GRIN2A: variants seen among roughly 807,000 people sequenced by gnomAD.
The protein encoded by GRIN2A is glutamate receptor ionotropic, NMDA 2A.
In GRIN2A, 22 loss-of-function variants were observed where a neutral mutation model predicts 113.4. The observed-to-expected ratio is 0.19, with a 90% CI of 0.14 to 0.28. The LOEUF is 0.28. GRIN2A is among the 10% of genes least tolerant of loss of function. GRIN2A has a pLI of 1.00. For missense variants in GRIN2A, 1,502 were observed against 1,887.0 expected (o/e 0.80, Z 3.78); for synonymous variants, 827 against 738.4 (o/e 1.12, Z -1.94).
chr16:10,088,055 G>A (rs2034368), intron 2 of GRIN2A, among the ~76,000 whole-genome samples: 103,771 of 151,670 alleles, frequency 0.68, 36,570 homozygotes, highest in Admixed American at 0.76. Flanking sequence ...ATCATCATGG[G>A]TTCTCACCCT....
intron 2 of GRIN2A, among the ~76,000 whole-genome samples, chr16:9,978,307 C>T (rs2045816842): frequency 6.6e-6 from 1 of 152,150 alleles, no homozygotes; most frequent in South Asian, 2.1e-4. Context: ...GGCTCAGCCT[C>T]TTCCTATCTG....
intron 5 of GRIN2A, among the ~76,000 whole-genome samples, chr16:9,848,650 ATATTT>A (rs1262925349): frequency 1.4e-5 from 2 of 146,412 alleles, no homozygotes; most frequent in Admixed American, 6.9e-5. Context: ...GGTGTTTTAT[ATATTT>A]AATACATAAA....
intron 11 of GRIN2A, among the ~76,000 whole-genome samples, chr16:9,773,788 T>C (rs1901434742): frequency 6.6e-6 from 1 of 152,202 alleles, no homozygotes; most frequent in Non-Finnish European, 1.5e-5. Context: ...CACAAGTATC[T>C]CTACTAACCA....
intron 2 of GRIN2A, among the ~76,000 whole-genome samples, chr16:10,011,632 T>C (rs1235257761): frequency 7.2e-5 from 11 of 152,222 alleles, no homozygotes; most frequent in African/African-American, 1.9e-4. Context: ...TCCTTATTCA[T>C]TGCAGATGCA....
At chr16:9,788,187 C>G (rs897818147) in intron 11 of GRIN2A, among the ~76,000 whole-genome samples, 1 of 152,140 alleles carries the variant, frequency 6.6e-6, no homozygotes, top group Non-Finnish European at 1.5e-5. Context: ...TTCTTTGCCT[C>G]TCTCTCCCTT....
chr16:9,848,314 C>G (rs2042812843), intron 5 of GRIN2A, among the ~76,000 whole-genome samples: 2 of 150,840 alleles, frequency 1.3e-5, no homozygotes, highest in South Asian at 2.1e-4. Context: ...CTCCCAGATT[C>G]AAGTGATTCT....
At chr16:9,776,207 T>A (rs1193177158) in intron 11 of GRIN2A, among the ~76,000 whole-genome samples, 1 of 152,092 alleles carries the variant, frequency 6.6e-6, no homozygotes, top group African/African-American at 2.4e-5. Flanking sequence ...GTATCCACCT[T>A]CAGGAAGTCT....
At chr16:10,109,627 G>C (rs1289315502) in intron 2 of GRIN2A, among the ~76,000 whole-genome samples, 1 of 128,164 alleles carries the variant, frequency 7.8e-6, no homozygotes, top group Non-Finnish European at 1.7e-5. Context: ...GAAATAACCA[G>C]ATTACAAAAA....
chr16:10,130,750 C>T (rs2049044622), intron 2 of GRIN2A, among the ~76,000 whole-genome samples: 1 of 152,226 alleles, frequency 6.6e-6, no homozygotes, highest in Non-Finnish European at 1.5e-5. Context: ...TTCTCGTCTC[C>T]AGCCACCCAC....
chr16:9,993,512 T>C (rs1051781310), intron 2 of GRIN2A, among the ~76,000 whole-genome samples: 6 of 151,794 alleles, frequency 4.0e-5, no homozygotes, highest in Non-Finnish European at 5.9e-5. Flanking sequence ...GCTACGATCA[T>C]GACACTGCAC....
At chr16:9,802,098 A>G (rs1903397762) in intron 10 of GRIN2A, among the ~76,000 whole-genome samples, 1 of 152,258 alleles carries the variant, frequency 6.6e-6, no homozygotes, top group African/African-American at 2.4e-5. Flanking sequence ...GAAGAAAAAG[A>G]AAAGATTATA....
At chr16:9,875,775 G>C (rs1395611778) in intron 4 of GRIN2A, among the ~76,000 whole-genome samples, 1 of 152,142 alleles carries the variant, frequency 6.6e-6, no homozygotes, top group Admixed American at 6.5e-5. Context: ...TCACCCTTTG[G>C]ATAGCTCTTC....
chr16:10,173,555 G>A (rs1287508257), intron 2 of GRIN2A, among the ~76,000 whole-genome samples: 1 of 152,192 alleles, frequency 6.6e-6, no homozygotes. Context: ...ATTGTGATAT[G>A]TTCATCCGGA....
chr16:10,065,377 C>A (rs1381526701), intron 2 of GRIN2A, among the ~76,000 whole-genome samples: 1 of 152,206 alleles, frequency 6.6e-6, no homozygotes, highest in Non-Finnish European at 1.5e-5. Context: ...CTTGTTACAA[C>A]CACGATTTTC....
intron 3 of GRIN2A, among the ~76,000 whole-genome samples, chr16:9,900,859 G>C (rs2043908043): frequency 6.6e-6 from 1 of 152,160 alleles, no homozygotes; most frequent in Non-Finnish European, 1.5e-5. Context: ...CACATAATGA[G>C]CTTCTAATCC....
chr16:10,020,935 C>T (rs2046708722), intron 2 of GRIN2A, among the ~76,000 whole-genome samples: 1 of 152,200 alleles, frequency 6.6e-6, no homozygotes, highest in Non-Finnish European at 1.5e-5. Context: ...GGCCCTTGCA[C>T]TTCTCCAGCC....
At chr16:9,771,350 A>G (rs1346885841) in intron 11 of GRIN2A, among the ~76,000 whole-genome samples, 1 of 151,056 alleles carries the variant, frequency 6.6e-6, no homozygotes, top group African/African-American at 2.4e-5. Flanking sequence ...CCGTTAATTT[A>G]TTCTTTTGTT....
chr16:10,144,583 T>C (rs549630405), intron 2 of GRIN2A, among the ~76,000 whole-genome samples: 19 of 152,326 alleles, frequency 1.2e-4, no homozygotes, highest in African/African-American at 4.6e-4. Flanking sequence ...AGATATATAA[T>C]TTGCAAATAT....
chr16:10,170,186 C>T (rs1016688686), intron 2 of GRIN2A, among the ~76,000 whole-genome samples: 2 of 152,130 alleles, frequency 1.3e-5, no homozygotes, highest in East Asian at 1.9e-4. Flanking sequence ...CCAGATTCAG[C>T]GTGCAGTACA....
Sources: gnomAD v4.1 joint callset for allele counts (sites outside exome capture counted in the v4.1 genomes callset) on GRCh38, gnomAD v4.1.1 for gene constraint, MANE v1.5 for transcripts, NCBI Gene and HGNC (gene_info 2026-07-23, HGNC 2026-07-21) for gene names.